Variants in ANK2 observed in about 807,000 individuals in gnomAD.
ANK2 encodes the protein ankyrin 2, also known as ankyrin-2.
In ANK2, 83 loss-of-function variants were observed where a neutral mutation model predicts 360.5. The observed-to-expected ratio is 0.23, with a 90% CI of 0.19 to 0.28. ANK2 has a LOEUF of 0.28. Ranked by LOEUF, ANK2 falls within the 10% of genes least tolerant of loss-of-function variation. The pLI is 1.00. For missense variants in ANK2, 4,201 were observed against 4,795.7 expected, an observed-to-expected ratio of 0.88 and a Z score of 3.66; for synonymous variants, 1,740 against 1,759.5, an observed-to-expected ratio of 0.99 and a Z score of 0.28.
At chr4:112,810,155 ATATATTTTTTTT>A in the ANK2 span, among the ~76,000 whole-genome samples, 47 of 23,320 alleles carry the variant, frequency 2.0e-3, no homozygotes, top group African/African-American at 8.3e-3. Flanking sequence ...ATATATATAT[ATATATTTTTTTT>A]TTTTTTTTTT....
chr4:113,038,381 G>GT (rs1237864585), intron 2 of ANK2, among the ~76,000 whole-genome samples: 48 of 151,148 alleles, frequency 3.2e-4, no homozygotes, highest in Non-Finnish European at 4.3e-4. Flanking sequence ...ATTGATAACT[G>GT]TTTTTTTTTA....
rs75772586 is a variant in ANK2 at position 112,900,493 on chromosome 4, A to C, written c.-39-3962A>C. Among the ~76,000 whole-genome samples the C allele has an allele frequency of 9.6e-3, 1,467 of 152,308 alleles. 14 individuals are homozygous for C. Among genetic ancestry groups the C allele is most frequent in the African/African-American group, 0.025 (1,036 of 41,576 alleles). On this transcript the variant is annotated intron_variant, in intron 1 of 30. Transcript: ENST00000503271. ...AAAGATGGTAAGTGATGATCTGCAT[A>C]AAGAATGTATTTCTTGATAGACACG...
intron 2 of ANK2, among the ~76,000 whole-genome samples, chr4:112,914,499 C>T (rs910904372): frequency 1.3e-5 from 2 of 151,890 alleles, no homozygotes; most frequent in East Asian, 1.9e-4. Context: ...GGCACAAGCC[C>T]GTAATCCCAG....
At chr4:113,046,978 G>T (rs1460866566), upstream of ANK2, among the ~76,000 whole-genome samples, 1 of 152,150 alleles carries the variant, frequency 6.6e-6, no homozygotes, top group African/African-American at 2.4e-5. Context: ...TACTAATTGG[G>T]CTACCAAACA....
chr4:113,050,207 C>T (rs1371359061), intron 1 of ANK2, among the ~76,000 whole-genome samples: 1 of 151,954 alleles, frequency 6.6e-6, no homozygotes, highest in African/African-American at 2.4e-5. Flanking sequence ...TGGCCAGATG[C>T]GTTTGCTCTA....
chr4:113,153,699 A>G (rs1583210667), intron 1 of ANK2, among the ~76,000 whole-genome samples: 1 of 152,200 alleles, frequency 6.6e-6, no homozygotes, highest in East Asian at 1.9e-4. Context: ...CACAGTATGA[A>G]AAGTCTAGTT....
At chr4:113,063,715 C>T (rs538602503) in intron 1 of ANK2, among the ~76,000 whole-genome samples, 1 of 152,180 alleles carries the variant, frequency 6.6e-6, no homozygotes, top group African/African-American at 2.4e-5. Flanking sequence ...TATTTTATCT[C>T]ATACAAATAC....
chr4:113,091,948 T>C (rs1375673476), intron 1 of ANK2, among the ~76,000 whole-genome samples: 1 of 152,198 alleles, frequency 6.6e-6, no homozygotes, highest in African/African-American at 2.4e-5. Context: ...TTTTTTGGGC[T>C]TTGGGGACAT....
At chr4:112,838,858 A>T (rs570978047) in intron 1 of ANK2, among the ~76,000 whole-genome samples, 1 of 152,278 alleles carries the variant, frequency 6.6e-6, no homozygotes, top group East Asian at 1.9e-4. Context: ...GATATGCTAA[A>T]TTATCTTTTC....
At chr4:113,107,476 C>T (rs1386156332) in intron 1 of ANK2, among the ~76,000 whole-genome samples, 1 of 152,156 alleles carries the variant, frequency 6.6e-6, no homozygotes, top group African/African-American at 2.4e-5. Flanking sequence ...TTTGGCCTCC[C>T]AAAGTGCTGG....
upstream of ANK2, chr4:113,049,503 C>T: frequency 2.6e-6 from 2 of 778,904 alleles, no homozygotes; most frequent in Middle Eastern, 4.5e-4. Context: ...TTCATTGTAA[C>T]CGGTTCCTGA....
chr4:113,048,246 G>GTATATATATATATATATA (rs1561687336), upstream of ANK2, among the ~76,000 whole-genome samples: 2 of 54,604 alleles, frequency 3.7e-5, no homozygotes, highest in African/African-American at 1.6e-4. Context: ...ATCTACAAGT[G>GTATATATATATATATATA]TGTATATATA....
At chr4:112,946,886 C>T (rs1245112619) in intron 2 of ANK2, among the ~76,000 whole-genome samples, 11 of 152,150 alleles carry the variant, frequency 7.2e-5, no homozygotes, top group African/African-American at 7.2e-5. Flanking sequence ...TTTTAAAATG[C>T]ACTTCCTTAG....
intron 2 of ANK2, among the ~76,000 whole-genome samples, chr4:112,993,769 C>T (rs192345593): frequency 2.1e-4 from 32 of 152,030 alleles, no homozygotes; most frequent in South Asian, 1.9e-3. Context: ...TGCAGAGGCA[C>T]GATCTTGGCT....
chr4:112,945,468 G>A (rs1256972778), intron 2 of ANK2, among the ~76,000 whole-genome samples: 1 of 152,046 alleles, frequency 6.6e-6, no homozygotes, highest in South Asian at 2.1e-4. Context: ...TTAATAAATC[G>A]CAGGGTCAGA....
chr4:113,007,064 T>C (rs111737773), intron 2 of ANK2, among the ~76,000 whole-genome samples: 1,908 of 152,318 alleles, frequency 0.013, 39 homozygotes, highest in African/African-American at 0.043. Flanking sequence ...CGATATGCCA[T>C]CCATTGCTTT....
intron 2 of ANK2, among the ~76,000 whole-genome samples, chr4:112,932,351 G>A (rs1044700364): frequency 6.6e-6 from 1 of 152,134 alleles, no homozygotes; most frequent in East Asian, 1.9e-4. Flanking sequence ...AATTAGCCAG[G>A]TGTGGTGGCG....
the ANK2 span, among the ~76,000 whole-genome samples, chr4:112,721,116 A>G: frequency 4.6e-5 from 7 of 152,182 alleles, no homozygotes; most frequent in Non-Finnish European, 2.9e-5. Flanking sequence ...CATGAAAGGT[A>G]GGAGAGAGGA....
At chr4:112,924,652 C>G (rs1177537589) in intron 2 of ANK2, among the ~76,000 whole-genome samples, 1 of 151,572 alleles carries the variant, frequency 6.6e-6, no homozygotes, top group Admixed American at 6.6e-5. Context: ...GAAAAAAGTC[C>G]ACTACCAATA....
Sources: gnomAD v4.1 joint callset for allele counts (sites outside exome capture counted in the v4.1 genomes callset) on GRCh38, gnomAD v4.1.1 for gene constraint, MANE v1.5 for transcripts, NCBI Gene and HGNC (gene_info 2026-07-23, HGNC 2026-07-21) for gene names.